Variants in MCUB observed in about 807,000 individuals in gnomAD.
The protein encoded by MCUB is calcium uniporter regulatory subunit MCUb, mitochondrial.
Under a neutral mutation model 41.4 loss-of-function variants are expected in MCUB, and 46 were observed. The observed-to-expected ratio is 1.11, with a 90% CI of 0.88 to 1.42. The LOEUF is 1.42. MCUB is among the 40% of genes most tolerant of loss of function. The pLI is 0.00. For missense variants in MCUB, 403 were observed against 404.9 expected (o/e 1.00, Z 0.04); for synonymous variants, 148 against 148.2 (o/e 1.00, Z 0.01).
In MCUB at chr4:109,659,103, T is replaced by C; in HGVS notation, c.175+17T>C. The C allele has an allele frequency of 7.8e-7, 1 of 1,286,628 alleles. No individual in the cohort carries two copies. The highest frequency in any genetic ancestry group is 1.1e-6 in the Non-Finnish European group (1 of 905,362). 79.7% of individuals were successfully genotyped at this position (1,286,628 alleles called of 1,614,324 possible). A position where few individuals can be genotyped will look rare whatever the true frequency, so the allele number is the denominator to read the frequency against. The stretch of plus-strand genomic sequence containing the variant: ...CACCTGATGGTAAGCTTTCTTACCA[T>C]TTATTTGATTCATATGTTAATTGTT... On this transcript the variant is annotated intron_variant, in intron 2 of 7. Coordinates refer to ENST00000394650, the MANE Select transcript of MCUB (RefSeq NM_017918.5).
intron 1 of MCUB, among the ~76,000 whole-genome samples, chr4:109,564,816 G>A (rs1050460695): frequency 3.3e-5 from 5 of 152,182 alleles, no homozygotes; most frequent in Admixed American, 6.5e-5. Flanking sequence ...ATTTAGAGCA[G>A]GTGAGGGCAG....
chr4:109,647,053 A>G (rs1728855544), intron 1 of MCUB, among the ~76,000 whole-genome samples: 1 of 152,180 alleles, frequency 6.6e-6, no homozygotes, highest in South Asian at 2.1e-4. Flanking sequence ...TTTTAATTTC[A>G]TAGCAAAACC....
intron 4 of MCUB, among the ~76,000 whole-genome samples, chr4:109,680,206 A>T (rs770683338): frequency 3.3e-4 from 50 of 152,064 alleles, no homozygotes; most frequent in Non-Finnish European, 2.9e-4. Flanking sequence ...CTTACTCCCA[A>T]CCCGTGGGTG....
intron 1 of MCUB, 127 bp downstream of exon 1, chr4:109,560,563 C>T (rs943219578): frequency 2.1e-6 from 1 of 468,544 alleles, no homozygotes. Context: ...TGCCGGGCTC[C>T]GCGCGCCGGG....
intron 1 of MCUB, among the ~76,000 whole-genome samples, chr4:109,568,288 A>G (rs1384885316): frequency 1.3e-5 from 2 of 152,180 alleles, no homozygotes; most frequent in African/African-American, 4.8e-5. Context: ...ATACCCTTTT[A>G]TGGGTTTGTT....
At chr4:109,566,348 T>C (rs1477645897) in intron 1 of MCUB, among the ~76,000 whole-genome samples, 1 of 151,324 alleles carries the variant, frequency 6.6e-6, no homozygotes, top group Non-Finnish European at 1.5e-5. Flanking sequence ...CGGGCGCCTG[T>C]AGTCCCAGCT....
chr4:109,648,724 C>CAA, intron 1 of MCUB: 14 of 235,584 alleles, frequency 5.9e-5, no homozygotes, highest in East Asian at 2.5e-4. Flanking sequence ...TACAGAGAAG[C>CAA]AAAAAAAAAA....
At chr4:109,565,861 AG>A (rs1285492672) in intron 1 of MCUB, among the ~76,000 whole-genome samples, 5 of 146,562 alleles carry the variant, frequency 3.4e-5, no homozygotes, top group Non-Finnish European at 6.0e-5. Context: ...TTTTTGAGAC[AG>A]GGTCATGCTC....
At chr4:109,602,063 AT>A (rs1268313138) in intron 1 of MCUB, among the ~76,000 whole-genome samples, 2 of 151,974 alleles carry the variant, frequency 1.3e-5, no homozygotes, top group African/African-American at 4.8e-5. Flanking sequence ...TAATTTGATG[AT>A]TTGATTTTTT....
intron 3 of MCUB, among the ~76,000 whole-genome samples, chr4:109,661,590 C>A (rs759921201): frequency 5.3e-5 from 8 of 151,830 alleles, no homozygotes; most frequent in African/African-American, 9.7e-5. Context: ...GAGAAAAAAA[C>A]AAGATAAATT....
At position 109,560,405 on chromosome 4, in the gene MCUB, C is replaced by A; in HGVS notation, c.68C>A (p.Ala23Glu). 2 of 1,318,382 alleles carry A rather than the reference C, an allele frequency of 1.5e-6. No individual in the cohort carries two copies. The highest frequency in any genetic ancestry group is 9.7e-7 in the Non-Finnish European group (1 of 1,033,750). 81.7% of individuals were successfully genotyped at this position (1,318,382 alleles called of 1,614,324 possible). A position where few individuals can be genotyped will look rare whatever the true frequency, so the allele number is the denominator to read the frequency against. Residue 23 changes from alanine (A) to glutamate (E), a missense_variant, in exon 1 of 8, where the codon GCG becomes GAG. Transcript: ENST00000394650. ...LLPTPGTWRPARPWPLPPPPQ... is the reference protein window; with the variant it reads ...LLPTPGTWRPERPWPLPPPPQ... ...CCGACCCCTGGCACCTGGCGCCCAG[C>A]GCGCCCGTGGCCGCTGCCGCCTCCG...
chr4:109,621,520 C>G lies in MCUB; in HGVS notation c.100-37491C>G, dbSNP rs537592800. On this transcript the variant is annotated intron_variant, in intron 1 of 7. Transcript: ENST00000394650. ...AGAAATGTTACAAGGTAGATGAATG[C>G]CAAATGACACTTTGAAATGGCTTGG... Among the ~76,000 whole-genome samples the G allele has an allele frequency of 7.2e-5, 11 of 152,152 alleles. No individual in the cohort carries two copies. The East Asian group carries it at 1.9e-3, about 27-fold the overall frequency.
chr4:109,560,385 C>G lies in MCUB; in HGVS notation c.48C>G (p.Thr16=). 7.5e-7 allele frequency: 1 copy of G among 1,329,000 alleles called. No individual in the cohort carries two copies. Among genetic ancestry groups the G allele is most frequent in the Non-Finnish European group, 9.6e-7 (1 of 1,039,530 alleles). The allele number at this position is 1,329,000 out of a possible 1,614,324, so 82.3% of individuals were successfully genotyped here. Reference sequence around the variant, plus strand: ...CGTGGCGCACGCGGCTGCTGCCGACCCCTGGCACCTGGCGCCCAGCGCGCC... The same window carrying G: ...CGTGGCGCACGCGGCTGCTGCCGACGCCTGGCACCTGGCGCCCAGCGCGCC... ...LWPWRTRLLP[T]PGTWRPARPW... Residue 16 remains threonine (T), a synonymous_variant, in exon 1 of 8, where the codon ACC becomes ACG. Coordinates refer to ENST00000394650, the MANE Select transcript of MCUB (RefSeq NM_017918.5).
chr4:109,606,374 C>A (rs959380080), intron 1 of MCUB, among the ~76,000 whole-genome samples: 3 of 151,980 alleles, frequency 2.0e-5, no homozygotes, highest in Non-Finnish European at 2.9e-5. Flanking sequence ...TAAGTAAGGA[C>A]CTACTCCTGC....
intron 1 of MCUB, among the ~76,000 whole-genome samples, chr4:109,605,120 A>G (rs745996652): frequency 4.6e-4 from 70 of 152,160 alleles, no homozygotes; most frequent in Non-Finnish European, 9.6e-4. Flanking sequence ...AATGTTTGGT[A>G]TAATTCAGCA....
At chr4:109,639,029 C>G (rs1392134853) in intron 1 of MCUB, among the ~76,000 whole-genome samples, 1 of 152,158 alleles carries the variant, frequency 6.6e-6, no homozygotes, top group Non-Finnish European at 1.5e-5. Context: ...ATAACTTCTT[C>G]AAAACTCCTG....
At chr4:109,598,892 C>T (rs1170720556) in intron 1 of MCUB, among the ~76,000 whole-genome samples, 1 of 152,070 alleles carries the variant, frequency 6.6e-6, no homozygotes, top group Non-Finnish European at 1.5e-5. Flanking sequence ...AATATATATT[C>T]AGCTGTTCTG....
At chr4:109,581,579 A>G (rs1561215818) in intron 1 of MCUB, among the ~76,000 whole-genome samples, 1 of 152,182 alleles carries the variant, frequency 6.6e-6, no homozygotes, top group Non-Finnish European at 1.5e-5. Context: ...AGAAACCACC[A>G]TCAGAGTGAA....
chr4:109,648,043 A>G (rs907538270), intron 1 of MCUB, among the ~76,000 whole-genome samples: 4 of 152,202 alleles, frequency 2.6e-5, no homozygotes, highest in Non-Finnish European at 5.9e-5. Context: ...CATTCACATA[A>G]TGATGTTGAA....
Sources: allele counts gnomAD v4.1 joint callset (sites outside exome capture counted in the v4.1 genomes callset), GRCh38; gene constraint gnomAD v4.1.1; transcripts MANE v1.5; gene names NCBI Gene and HGNC (gene_info 2026-07-23, HGNC 2026-07-21).